Variants in COL25A1 observed in about 807,000 individuals in gnomAD.
COL25A1 encodes collagen type XXV alpha 1 chain, also known as collagen alpha-1(XXV) chain.
In COL25A1, 103 loss-of-function variants were observed where a neutral mutation model predicts 128.4. That is an observed-to-expected ratio of 0.80 (90% CI 0.68 to 0.94). COL25A1 has a LOEUF of 0.94. COL25A1 is among the 40% of genes least tolerant of loss of function. The pLI is 0.00. For synonymous variants in COL25A1, 279 were observed against 277.2 expected (o/e 1.01, Z -0.06); for missense variants, 745 against 840.0 (o/e 0.89, Z 1.40).
chr4:108,886,783 T>C (rs1185168214), intron 18 of COL25A1, among the ~76,000 whole-genome samples: 1 of 152,052 alleles, frequency 6.6e-6, no homozygotes, highest in Non-Finnish European at 1.5e-5. Flanking sequence ...AGCTTAACCT[T>C]CAGGTTTAGA....
Position 108,809,859 on chromosome 4 carries a change from C to T in COL25A1, c.*4068G>A, listed in dbSNP as rs1431386102. 6.6e-6 allele frequency: 1 copy of T among 151,878 alleles called. No homozygotes were observed. Among genetic ancestry groups the T allele is most frequent in the African/African-American group, 2.4e-5 (1 of 41,398 alleles). 9.4% of individuals were successfully genotyped at this position (151,878 alleles called of 1,614,324 possible). Reference sequence around the variant, plus strand: ...CACTAGGGATGTATGATTTTAATAGCCAGAATCACATGTGATTGTTCTTAC... The same window carrying T: ...CACTAGGGATGTATGATTTTAATAGTCAGAATCACATGTGATTGTTCTTAC... On this transcript the variant is annotated 3_prime_UTR_variant, in exon 38 of 38. Coordinates refer to ENST00000399132, the MANE Select transcript of COL25A1 (RefSeq NM_198721.4).
intron 3 of COL25A1, among the ~76,000 whole-genome samples, chr4:109,123,756 G>A (rs1768327910): frequency 6.6e-6 from 1 of 152,036 alleles, no homozygotes; most frequent in Admixed American, 6.6e-5. Flanking sequence ...ATTCTAAGGT[G>A]TTCAATGAGG....
At chr4:109,206,877 C>T (rs1777044136) in intron 3 of COL25A1, among the ~76,000 whole-genome samples, 1 of 152,154 alleles carries the variant, frequency 6.6e-6, no homozygotes, top group Admixed American at 6.6e-5. Context: ...AATACATCAG[C>T]GACCTCTGAG....
intron 3 of COL25A1, among the ~76,000 whole-genome samples, chr4:109,223,206 A>G (rs1368105622): frequency 2.0e-5 from 3 of 152,150 alleles, no homozygotes; most frequent in African/African-American, 7.2e-5. Flanking sequence ...GTTACTGTAG[A>G]TATTTTTATC....
chr4:109,210,111 A>C (rs1339863979), intron 3 of COL25A1, among the ~76,000 whole-genome samples: 3 of 151,994 alleles, frequency 2.0e-5, no homozygotes, highest in Non-Finnish European at 4.4e-5. Flanking sequence ...TATTAATTTC[A>C]TTATAGCTCT....
chr4:108,882,259 CT>C (rs10630143), intron 19 of COL25A1, among the ~76,000 whole-genome samples: 158 of 143,334 alleles, frequency 1.1e-3, no homozygotes, highest in Non-Finnish European at 1.2e-3. Context: ...ATCAAAATTG[CT>C]TTTTTTTTTT....
intron 6 of COL25A1, among the ~76,000 whole-genome samples, chr4:108,986,463 A>T (rs1018744764): frequency 6.6e-6 from 1 of 152,250 alleles, no homozygotes; most frequent in African/African-American, 2.4e-5. Flanking sequence ...AAATTGAGCC[A>T]AACCTACTCA....
At chr4:108,862,049 T>C (rs1052301276) in intron 22 of COL25A1, among the ~76,000 whole-genome samples, 2 of 152,180 alleles carry the variant, frequency 1.3e-5, no homozygotes, top group African/African-American at 4.8e-5. Context: ...ATATATGTTA[T>C]TGCAGATAGT....
Position 109,141,144 on chromosome 4 carries a change from G to C in COL25A1, c.368-90965C>G, listed in dbSNP as rs188877270. On this transcript the variant is annotated intron_variant, in intron 3 of 37. Transcript: ENST00000399132. ...GTTTATTGAGAGTTTTTAGCATGCA[G>C]GGTGTTGAATTTTATTGAAGGCGTT... Among the ~76,000 whole-genome samples, 48 of 152,300 alleles carry C rather than the reference G, an allele frequency of 3.2e-4. 1 individual carries two copies. In the South Asian group the frequency reaches 9.3e-3, roughly 30 times the overall value.
intron 3 of COL25A1, among the ~76,000 whole-genome samples, chr4:109,095,239 A>G (rs907115900): frequency 1.3e-5 from 2 of 152,260 alleles, no homozygotes; most frequent in Non-Finnish European, 2.9e-5. Flanking sequence ...CAACTAATAA[A>G]TGATTCTAGG....
intron 3 of COL25A1, among the ~76,000 whole-genome samples, chr4:109,085,839 T>C (rs1472797663): frequency 6.6e-6 from 1 of 152,222 alleles, no homozygotes; most frequent in Non-Finnish European, 1.5e-5. Flanking sequence ...CAATAAATAT[T>C]TGTTAAAAGA....
Position 108,813,789 on chromosome 4 carries a change from G to A in COL25A1, c.*138C>T. The A allele has an allele frequency of 2.9e-6, 2 of 683,710 alleles. No individual in the cohort carries two copies. The highest frequency in any genetic ancestry group is 5.1e-6 in the Non-Finnish European group (2 of 390,350). 42.4% of individuals were successfully genotyped at this position (683,710 alleles called of 1,614,324 possible). ...ATGTAAGTGGAGTAAAAATGGACAT[G>A]TATACTACTGCCAGCAGGAAGAAGC... On this transcript the variant is annotated 3_prime_UTR_variant, in exon 38 of 38. Transcript: ENST00000399132.
rs370445815 is a variant in COL25A1 at position 109,029,628 on chromosome 4, G to A, written c.420+18540C>T. On this transcript the variant is annotated intron_variant, in intron 5 of 37. Transcript: ENST00000399132. ...GTGTGGTATATGTGTATACATATTT[G>A]TAGGAAGAAACATATACGTATAGGA... is the stretch of plus-strand genomic sequence containing the variant. Among the ~76,000 whole-genome samples the A allele has an allele frequency of 2.4e-4, 37 of 152,274 alleles. No individual in the cohort carries two copies. In the South Asian group the frequency reaches 4.6e-3, roughly 19 times the overall value.
At chr4:109,171,477 G>A (rs1291815192) in intron 3 of COL25A1, among the ~76,000 whole-genome samples, 1 of 152,170 alleles carries the variant, frequency 6.6e-6, no homozygotes, top group African/African-American at 2.4e-5. Context: ...AGCAATAAGT[G>A]TTTGTTGCTT....
At chr4:109,238,111 G>C (rs1460375536) in intron 3 of COL25A1, among the ~76,000 whole-genome samples, 2 of 151,880 alleles carry the variant, frequency 1.3e-5, no homozygotes, top group Non-Finnish European at 2.9e-5. Context: ...CTAATATGTT[G>C]CTGTGAACGT....
chr4:109,050,094 C>T, intron 4 of COL25A1, 41 bp downstream of exon 4: 3 of 1,559,060 alleles, frequency 1.9e-6, no homozygotes, highest in Non-Finnish European at 1.8e-6. Flanking sequence ...GGAACTTAAC[C>T]AGAACATGAG....
intron 8 of COL25A1, among the ~76,000 whole-genome samples, chr4:108,969,334 C>G (rs1751661150): frequency 6.6e-6 from 1 of 152,140 alleles, no homozygotes; most frequent in South Asian, 2.1e-4. Flanking sequence ...CAGACTCTTT[C>G]CTCTCTATCC....
intron 13 of COL25A1, among the ~76,000 whole-genome samples, chr4:108,906,224 A>G (rs980717014): frequency 6.6e-6 from 1 of 151,110 alleles, no homozygotes; most frequent in African/African-American, 2.4e-5. Flanking sequence ...CCCCTCACAT[A>G]CTCCAGCCAC....
intron 3 of COL25A1, among the ~76,000 whole-genome samples, chr4:109,108,418 T>C (rs931523061): frequency 9.2e-5 from 14 of 152,146 alleles, no homozygotes; most frequent in Non-Finnish European, 1.2e-4. Context: ...ATTTTCTTAA[T>C]CCAGTCTATC....
Sources: gnomAD v4.1 joint callset for allele counts (sites outside exome capture counted in the v4.1 genomes callset) on GRCh38, gnomAD v4.1.1 for gene constraint, MANE v1.5 for transcripts, NCBI Gene and HGNC (gene_info 2026-07-23, HGNC 2026-07-21) for gene names.